Variants in HESX1 observed in about 807,000 individuals in gnomAD.
The protein encoded by HESX1 is HESX homeobox 1, also known as homeobox expressed in ES cells 1.
In HESX1, 11 loss-of-function variants were observed where a neutral mutation model predicts 22.5. The ratio of observed to expected loss-of-function variants is 0.49; its 90% CI spans 0.31 to 0.81. The LOEUF (loss-of-function observed/expected upper bound fraction) is 0.81. Ranked by LOEUF, HESX1 falls within the 30% of genes least tolerant of loss-of-function variation. The pLI, the probability that HESX1 is intolerant of heterozygous loss-of-function variation, is 0.05. For synonymous variants in HESX1, 74 were observed against 76.5 expected (o/e 0.97, Z 0.17); for missense variants, 201 against 212.6 (o/e 0.95, Z 0.34).
chr3:57,221,456 C>T (rs1054370939), intron 1 of HESX1, among the ~76,000 whole-genome samples: 3 of 152,050 alleles, frequency 2.0e-5, no homozygotes, highest in African/African-American at 4.8e-5. Context: ...TGTGCCTGGC[C>T]TTCCCTACTC....
At chr3:57,208,275 TAAAC>T (rs2060531069) in intron 1 of HESX1, among the ~76,000 whole-genome samples, 2 of 152,188 alleles carry the variant, frequency 1.3e-5, no homozygotes, top group African/African-American at 4.8e-5. Flanking sequence ...TATAAAAGCA[TAAAC>T]AAGTACTTAA....
chr3:57,207,826 T>C (rs1385963608), intron 1 of HESX1, among the ~76,000 whole-genome samples: 4 of 152,234 alleles, frequency 2.6e-5, no homozygotes, highest in Non-Finnish European at 4.4e-5. Flanking sequence ...TATTGAAATA[T>C]ACTCTGGATA....
upstream of HESX1, chr3:57,200,007 T>G (rs1579349601): frequency 1.8e-6 from 2 of 1,129,436 alleles, no homozygotes; most frequent in East Asian, 4.7e-5. Flanking sequence ...CAGTTCACCT[T>G]ATAGCTCCGC....
At chr3:57,207,425 A>G (rs1347396401) in intron 1 of HESX1, among the ~76,000 whole-genome samples, 1 of 152,076 alleles carries the variant, frequency 6.6e-6, no homozygotes, top group Non-Finnish European at 1.5e-5. Context: ...TCTCTTTTCT[A>G]CTGTCTGGAT....
At chr3:57,223,356 T>C (rs988891929) in intron 1 of HESX1, among the ~76,000 whole-genome samples, 9 of 152,182 alleles carry the variant, frequency 5.9e-5, no homozygotes, top group Non-Finnish European at 1.2e-4. Context: ...CAACCATAGA[T>C]AAACAAAAGC....
chr3:57,212,769 T>C (rs2060562804), intron 1 of HESX1, among the ~76,000 whole-genome samples: 1 of 152,116 alleles, frequency 6.6e-6, no homozygotes, highest in Non-Finnish European at 1.5e-5. Context: ...TACTTTGACT[T>C]AAATAGGAGG....
intron 1 of HESX1, among the ~76,000 whole-genome samples, chr3:57,215,657 C>T (rs1313967045): frequency 6.6e-6 from 1 of 152,106 alleles, no homozygotes; most frequent in African/African-American, 2.4e-5. Flanking sequence ...ATCCCAACTA[C>T]TCAGGAGGCT....
At chr3:57,198,661 TA>T in intron 2 of HESX1, 91 bp downstream of exon 2, 1 of 1,226,864 alleles carries the variant, frequency 8.2e-7, no homozygotes, top group Non-Finnish European at 1.2e-6. Flanking sequence ...ATAAGGCTTC[TA>T]AACTGAGATA....
chr3:57,201,258 TC>T (rs1410743822), upstream of HESX1, among the ~76,000 whole-genome samples: 5 of 152,130 alleles, frequency 3.3e-5, no homozygotes, highest in Non-Finnish European at 7.3e-5. Flanking sequence ...ATGCAAAACA[TC>T]AACAGGCATA....
At chr3:57,206,599 A>G (rs950196420) in intron 1 of HESX1, among the ~76,000 whole-genome samples, 1 of 152,230 alleles carries the variant, frequency 6.6e-6, no homozygotes, top group Admixed American at 6.5e-5. Context: ...TGAAATCAGA[A>G]CTGCGAGCAG....
chr3:57,221,551 G>C (rs1044186469), intron 1 of HESX1, among the ~76,000 whole-genome samples: 2 of 152,082 alleles, frequency 1.3e-5, no homozygotes, highest in African/African-American at 4.8e-5. Flanking sequence ...TGGAGTACAG[G>C]GGTGCAATCA....
intron 1 of HESX1, among the ~76,000 whole-genome samples, chr3:57,221,545 G>A (rs2060615955): frequency 6.6e-6 from 1 of 152,160 alleles, no homozygotes; most frequent in Admixed American, 6.5e-5. Context: ...CCAGGCTGGA[G>A]TACAGGGGTG....
At chr3:57,208,689 G>A (rs916242953) in intron 1 of HESX1, among the ~76,000 whole-genome samples, 8 of 149,752 alleles carry the variant, frequency 5.3e-5, no homozygotes, top group South Asian at 2.2e-4. Context: ...GGCCAGGCAC[G>A]GTGGCTCACG....
chr3:57,226,751 G>A (rs1233190273), upstream of HESX1, among the ~76,000 whole-genome samples: 1 of 152,194 alleles, frequency 6.6e-6, no homozygotes, highest in Non-Finnish European at 1.5e-5. Context: ...TTTCTTGAAT[G>A]AAAATGGAAT....
intron 1 of HESX1, among the ~76,000 whole-genome samples, chr3:57,216,645 C>T (rs114970154): frequency 1.2e-3 from 179 of 152,194 alleles, no homozygotes; most frequent in African/African-American, 4.1e-3. Context: ...GATGTTTCCT[C>T]GTGACTAGGT....
intron 1 of HESX1, among the ~76,000 whole-genome samples, chr3:57,218,225 T>C (rs1276176340): frequency 6.6e-6 from 1 of 152,056 alleles, no homozygotes; most frequent in South Asian, 2.1e-4. Flanking sequence ...TAGCACCCAA[T>C]AGTTATTTTT....
chr3:57,222,852 T>A (rs2060622719), intron 1 of HESX1, among the ~76,000 whole-genome samples: 1 of 152,172 alleles, frequency 6.6e-6, no homozygotes. Context: ...TGATAAAACA[T>A]TAGCAAGAGT....
At position 57,214,578 on chromosome 3, in the gene HESX1, T is replaced by C. The variant is rs6787862; in HGVS notation, c.-111+11718A>G. Among the ~76,000 whole-genome samples, 1,497 of 152,338 alleles carry C rather than the reference T, an allele frequency of 9.8e-3. 18 individuals carry two copies. Among genetic ancestry groups the C allele is most frequent in the African/African-American group, 0.034 (1,427 of 41,558 alleles). On this transcript the variant is annotated intron_variant, in intron 1 of 2. Transcript: ENST00000495160. ...TGCAATAAAATGGGAATTATTATAG[T>C]GCCTAATTAAGGATCCAATATATTA...
At chr3:57,222,983 TAA>T (rs1261921995) in intron 1 of HESX1, among the ~76,000 whole-genome samples, 6 of 152,168 alleles carry the variant, frequency 3.9e-5, no homozygotes. Context: ...TTAAATGTAT[TAA>T]AATATTTTAA....
Sources: gnomAD v4.1 joint callset for allele counts (sites outside exome capture counted in the v4.1 genomes callset) on GRCh38, gnomAD v4.1.1 for gene constraint, MANE v1.5 for transcripts, NCBI Gene and HGNC (gene_info 2026-07-23, HGNC 2026-07-21) for gene names.